VPS53: variants seen among roughly 807,000 people sequenced by gnomAD.
The protein encoded by VPS53 is VPS53 subunit of GARP complex, also known as vacuolar protein sorting-associated protein 53 homolog.
A neutral mutation model predicts 107.0 loss-of-function variants in VPS53; 70 were observed. The observed-to-expected ratio is 0.65, with a 90% CI of 0.54 to 0.80. The LOEUF (loss-of-function observed/expected upper bound fraction) is 0.80, where lower values mean the gene tolerates loss of function less well. VPS53 is among the 30% of genes least tolerant of loss of function. The pLI, the probability that VPS53 is intolerant of heterozygous loss-of-function variation, is 0.00. For missense variants in VPS53, 917 were observed against 1,049.4 expected, an observed-to-expected ratio of 0.87 and a Z score of 1.74; for synonymous variants, 409 against 393.3, an observed-to-expected ratio of 1.04 and a Z score of -0.47.
intron 5 of VPS53, among the ~76,000 whole-genome samples, chr17:656,408 A>C (rs957027246): frequency 3.9e-5 from 6 of 152,224 alleles, no homozygotes; most frequent in African/African-American, 7.2e-5. Flanking sequence ...CCAGCAAAGA[A>C]GACTTTCAAA....
At chr17:601,999 C>T (rs1402833394) in intron 11 of VPS53, 103 bp from the exon 12 acceptor site, 44 of 820,272 alleles carry the variant, frequency 5.4e-5, no homozygotes, top group South Asian at 1.4e-4. Context: ...AAGTCATGCA[C>T]GCTATCTGAT....
At chr17:637,435 C>CT (rs1255298715) in intron 7 of VPS53, among the ~76,000 whole-genome samples, 1 of 152,088 alleles carries the variant, frequency 6.6e-6, no homozygotes, top group East Asian at 1.9e-4. Context: ...CTGCTCTGAT[C>CT]TTAGTTATTT....
intron 4 of VPS53, among the ~76,000 whole-genome samples, chr17:669,889 TAAA>T (rs1002640028): frequency 7.6e-6 from 1 of 132,340 alleles, no homozygotes; most frequent in African/African-American, 2.8e-5. Flanking sequence ...AGACTCCATC[TAAA>T]AAAAAAAAAA....
chr17:660,835 T>A (rs1254161077), intron 5 of VPS53, among the ~76,000 whole-genome samples: 1 of 152,208 alleles, frequency 6.6e-6, no homozygotes, highest in Non-Finnish European at 1.5e-5. Context: ...ATTCTTATTT[T>A]ACAGTTGAAG....
intron 13 of VPS53, among the ~76,000 whole-genome samples, chr17:572,381 G>C (rs182099644): frequency 1.5e-5 from 2 of 133,506 alleles, no homozygotes; most frequent in African/African-American, 3.0e-5. Flanking sequence ...GAGCGTCTCC[G>C]CCGGGCAGCC....
intron 11 of VPS53, among the ~76,000 whole-genome samples, chr17:622,841 G>C (rs1969526974): frequency 6.6e-6 from 1 of 151,456 alleles, no homozygotes; most frequent in Non-Finnish European, 1.5e-5. Flanking sequence ...TTGGGACTAA[G>C]GGGTGCACCC....
intron 13 of VPS53, 79 bp from the exon 14 acceptor site, chr17:562,824 TA>T: frequency 6.8e-7 from 1 of 1,476,680 alleles, no homozygotes; most frequent in Non-Finnish European, 9.1e-7. Context: ...GCAATGTACA[TA>T]AACTACTGCC....
rs1382140200 is a variant in VPS53, at chr17:509,672, A to G, written c.*9456T>C. ...CGTATCGCATCCTGGCTCGCCCCTC[A>G]CTGGTCACGTATCGAATCCTGGCTC... On this transcript the variant is annotated 3_prime_UTR_variant, in exon 22 of 22. Coordinates refer to ENST00000437048, the MANE Select transcript of VPS53 (RefSeq NM_001128159.3). The G allele has an allele frequency of 3.2e-5, 5 of 157,108 alleles. No individual in the cohort carries two copies. The highest frequency in any genetic ancestry group is 1.3e-5 in the Non-Finnish European group (1 of 75,678). The allele number at this position is 157,108 out of a possible 1,614,324, so 9.7% of individuals were successfully genotyped here.
In VPS53 at chr17:618,251, A is replaced by G. The variant is rs8076552; in HGVS notation, c.1116+5282T>C. 3.6e-3 allele frequency among the ~76,000 whole-genome samples: 228 copies of G among 63,066 alleles called. 4 individuals carry two copies. Among genetic ancestry groups the G allele is most frequent in the African/African-American group, 9.3e-3 (187 of 20,070 alleles). 41.4% of individuals were successfully genotyped at this position (63,066 alleles called of 152,430 possible). On this transcript the variant is annotated intron_variant, in intron 11 of 21. Coordinates refer to ENST00000437048, the MANE Select transcript of VPS53 (RefSeq NM_001128159.3). ...CGGGTAGCTGGGACTACAGGCGTGC[A>G]CCACCACGCCTGCTAATATTTCCCG... is the stretch of plus-strand genomic sequence containing the variant.
At chr17:699,978 T>A (rs747629112) in intron 2 of VPS53, among the ~76,000 whole-genome samples, 2 of 152,200 alleles carry the variant, frequency 1.3e-5, no homozygotes, top group Non-Finnish European at 2.9e-5. Flanking sequence ...TCTGAAGATT[T>A]TTTTAAATGT....
intron 11 of VPS53, among the ~76,000 whole-genome samples, chr17:611,346 G>A (rs1237365436): frequency 6.6e-6 from 1 of 152,132 alleles, no homozygotes; most frequent in East Asian, 1.9e-4. Context: ...GCTGTGCAAT[G>A]TCACTAGTCA....
At position 644,097 on chromosome 17, in the gene VPS53, T is replaced by C. The variant is rs140262433; in HGVS notation, c.608+9194A>G. Among the ~76,000 whole-genome samples the C allele has an allele frequency of 8.5e-5, 13 of 152,348 alleles. No homozygotes were observed. The East Asian group carries it at 2.5e-3, about 29-fold the overall frequency. On this transcript the variant is annotated intron_variant, in intron 7 of 21. Coordinates refer to ENST00000437048, the MANE Select transcript of VPS53 (RefSeq NM_001128159.3). The stretch of plus-strand genomic sequence containing the variant: ...TGACTGATGACTAGAAACATTCCCT[T>C]TCACGGATATGCTTAGGCCAGGAGG...
intron 17 of VPS53, among the ~76,000 whole-genome samples, chr17:548,240 C>T (rs1446869290): frequency 1.3e-5 from 2 of 152,234 alleles, no homozygotes; most frequent in Non-Finnish European, 2.9e-5. Flanking sequence ...CCATGGGATG[C>T]CTTCCATGAG....
intron 19 of VPS53, among the ~76,000 whole-genome samples, chr17:531,796 A>C (rs1251793906): frequency 1.2e-4 from 3 of 24,244 alleles, no homozygotes; most frequent in African/African-American, 1.0e-3. Context: ...TTTTTTTTTG[A>C]GATGGAGTCT....
chr17:666,351 G>A (rs1347278904), intron 4 of VPS53, among the ~76,000 whole-genome samples: 1 of 152,142 alleles, frequency 6.6e-6, no homozygotes, highest in South Asian at 2.1e-4. Flanking sequence ...AAGAGTGATT[G>A]TGCCTTCTGT....
chr17:674,446 A>T (rs771311139), intron 4 of VPS53: 5 of 152,160 alleles, frequency 3.3e-5, no homozygotes, highest in Non-Finnish European at 7.3e-5. Flanking sequence ...ACTTTTTGAG[A>T]CACCTTCTGT....
chr17:595,382 C>T (rs1259636067), intron 12 of VPS53, among the ~76,000 whole-genome samples: 1 of 30,694 alleles, frequency 3.3e-5, no homozygotes, highest in East Asian at 1.3e-3. Flanking sequence ...TTTGATGATG[C>T]ACTCTAGTGT....
chr17:709,868 C>T (rs1973572574), intron 2 of VPS53, among the ~76,000 whole-genome samples: 1 of 152,102 alleles, frequency 6.6e-6, no homozygotes, highest in Non-Finnish European at 1.5e-5. Context: ...ATCTTGAGGC[C>T]GGGCGCAGTG....
At chr17:640,739 C>T (rs1970392317) in intron 7 of VPS53, among the ~76,000 whole-genome samples, 1 of 151,838 alleles carries the variant, frequency 6.6e-6, no homozygotes, top group African/African-American at 2.4e-5. Context: ...GATTATTCCA[C>T]AACACCCATC....
Sources: gnomAD v4.1 joint callset for allele counts (sites outside exome capture counted in the v4.1 genomes callset) on GRCh38, gnomAD v4.1.1 for gene constraint, MANE v1.5 for transcripts, NCBI Gene and HGNC (gene_info 2026-07-23, HGNC 2026-07-21) for gene names.